The following TMEM182 variants were observed in gnomAD, a reference collection of about 807,000 sequenced individuals.
The protein encoded by TMEM182 is transmembrane protein 182.
In TMEM182, 20 loss-of-function variants were observed where a neutral mutation model predicts 26.8. That is an observed-to-expected ratio of 0.75 (90% confidence interval 0.53 to 1.09). TMEM182 has a LOEUF of 1.09. TMEM182 is among the 50% of genes least tolerant of loss of function. The probability of loss-of-function intolerance (pLI) is 0.00; values close to 1 mark genes in which losing one functional copy is unlikely to be tolerated. For missense variants in TMEM182, 277 were observed against 275.5 expected (o/e 1.01, Z -0.04); for synonymous variants, 109 against 102.2 (o/e 1.07, Z -0.40).
chr2:102,800,118 C>T (rs144462359), intron 4 of TMEM182, among the ~76,000 whole-genome samples: 42 of 152,240 alleles, frequency 2.8e-4, no homozygotes, highest in African/African-American at 9.1e-4. Context: ...GCCATTAGAG[C>T]TCTTCATTGT....
chr2:102,811,016 C>A (rs544612407), intron 4 of TMEM182, among the ~76,000 whole-genome samples: 2 of 142,424 alleles, frequency 1.4e-5, no homozygotes, highest in South Asian at 2.2e-4. Flanking sequence ...CCTAAAGACT[C>A]CGTTCAAGTT....
chr2:102,812,932 G>C (rs1216701891), intron 4 of TMEM182, among the ~76,000 whole-genome samples: 1 of 152,200 alleles, frequency 6.6e-6, no homozygotes, highest in African/African-American at 2.4e-5. Flanking sequence ...AGAGTTGCTA[G>C]ACAACACATG....
At chr2:102,741,423 G>C (rs970597020) in intron 1 of TMEM182, among the ~76,000 whole-genome samples, 1 of 152,136 alleles carries the variant, frequency 6.6e-6, no homozygotes, top group Non-Finnish European at 1.5e-5. Context: ...GAAAAGAAAA[G>C]TAAGCATTTA....
intron 3 of TMEM182, among the ~76,000 whole-genome samples, chr2:102,771,397 A>G (rs1199095910): frequency 1.3e-5 from 2 of 152,124 alleles, no homozygotes; most frequent in Admixed American, 6.5e-5. Context: ...GGCCACTCCC[A>G]GAGTGGCTCA....
intron 3 of TMEM182, among the ~76,000 whole-genome samples, chr2:102,838,415 T>C (rs1024018122): frequency 6.6e-6 from 1 of 152,176 alleles, no homozygotes; most frequent in Non-Finnish European, 1.5e-5. Flanking sequence ...ATAGAATGCA[T>C]GCATAAAATG....
At chr2:102,809,072 T>C (rs923493533) in intron 4 of TMEM182, among the ~76,000 whole-genome samples, 2 of 152,220 alleles carry the variant, frequency 1.3e-5, no homozygotes, top group African/African-American at 4.8e-5. Flanking sequence ...ATTAAAAGAA[T>C]GAGAAAGAGG....
upstream of TMEM182, chr2:102,758,531 G>T: frequency 1.4e-6 from 1 of 715,692 alleles, no homozygotes; most frequent in Non-Finnish European, 2.6e-6. Context: ...GTTAAAAGAT[G>T]GTTTGAAAAC....
chr2:102,834,316 C>A, intron 3 of TMEM182: 1 of 886,210 alleles, frequency 1.1e-6, no homozygotes, highest in Non-Finnish European at 1.4e-6. Flanking sequence ...ATCCATTTAC[C>A]ATCTTAGGAC....
chr2:102,743,244 G>A (rs188495845), intron 1 of TMEM182, among the ~76,000 whole-genome samples: 35 of 152,118 alleles, frequency 2.3e-4, no homozygotes, highest in African/African-American at 4.3e-4. Flanking sequence ...AATGTATATC[G>A]CAAACTCTAG....
chr2:102,755,722 TG>T (rs1007303547), intron 1 of TMEM182, among the ~76,000 whole-genome samples: 1 of 152,224 alleles, frequency 6.6e-6, no homozygotes, highest in African/African-American at 2.4e-5. Flanking sequence ...GGATGCTATT[TG>T]TAGGGGCCAA....
chr2:102,800,717 T>C (rs1682085300), intron 4 of TMEM182, among the ~76,000 whole-genome samples: 1 of 151,944 alleles, frequency 6.6e-6, no homozygotes, highest in Non-Finnish European at 1.5e-5. Flanking sequence ...CATAGTTTAG[T>C]GATAATGTAT....
rs777635135 is a variant in TMEM182 at position 102,817,049 on chromosome 2, C to G, written c.*2081C>G. ...GAACTATTTTATAGTTGTAATGCAT[C>G]AATCAAATACATTTCAAGCACATTT... On this transcript the variant is annotated 3_prime_UTR_variant, in exon 5 of 5. Transcript: ENST00000412401. 1.1e-4 allele frequency: 104 copies of G among 985,426 alleles called. No homozygotes were observed. Among genetic ancestry groups the G allele is most frequent in the Non-Finnish European group, 1.1e-4 (95 of 829,920 alleles). The allele number at this position is 985,426 out of a possible 1,614,324, so 61.0% of individuals were successfully genotyped here. A position where few individuals can be genotyped will look rare whatever the true frequency, so the allele number is the denominator to read the frequency against.
chr2:102,766,571 G>A (rs1425847016), intron 3 of TMEM182, among the ~76,000 whole-genome samples: 2 of 151,994 alleles, frequency 1.3e-5, no homozygotes, highest in Non-Finnish European at 2.9e-5. Flanking sequence ...TGTTAAATTT[G>A]GGGTTTTTTT....
At chr2:102,770,311 C>G (rs1680619353) in intron 3 of TMEM182, among the ~76,000 whole-genome samples, 1 of 152,104 alleles carries the variant, frequency 6.6e-6, no homozygotes, top group Non-Finnish European at 1.5e-5. Context: ...GTTCTTGGGG[C>G]CCAGTAGCTC....
At chr2:102,786,165 A>C (rs1681380306) in intron 3 of TMEM182, among the ~76,000 whole-genome samples, 1 of 150,008 alleles carries the variant, frequency 6.7e-6, no homozygotes, top group African/African-American at 2.5e-5. Flanking sequence ...GAAGCACTGG[A>C]ATTCCGGCAC....
chr2:102,826,187 C>A (rs898182915), intron 3 of TMEM182, among the ~76,000 whole-genome samples: 1 of 152,012 alleles, frequency 6.6e-6, no homozygotes, highest in Non-Finnish European at 1.5e-5. Context: ...AGAGAGAAAA[C>A]TTCTGCATCT....
At chr2:102,769,698 A>G (rs929174219) in intron 3 of TMEM182, among the ~76,000 whole-genome samples, 6 of 152,350 alleles carry the variant, frequency 3.9e-5, no homozygotes, top group Admixed American at 2.6e-4. Flanking sequence ...TCTTTGGGCT[A>G]TATTTTCAGA....
intron 4 of TMEM182, among the ~76,000 whole-genome samples, chr2:102,813,688 A>G (rs1179510393): frequency 6.6e-6 from 1 of 152,182 alleles, no homozygotes; most frequent in Non-Finnish European, 1.5e-5. Context: ...TAACAGTTAC[A>G]TGGGAAAGGA....
chr2:102,814,434 A>G (rs1682666607), intron 4 of TMEM182, among the ~76,000 whole-genome samples: 1 of 152,146 alleles, frequency 6.6e-6, no homozygotes, highest in Non-Finnish European at 1.5e-5. Context: ...TTAGAATATA[A>G]ATTCTACAAG....
Sources: gnomAD v4.1 joint callset for allele counts (sites outside exome capture counted in the v4.1 genomes callset) on GRCh38, gnomAD v4.1.1 for gene constraint, MANE v1.5 for transcripts, NCBI Gene and HGNC (gene_info 2026-07-23, HGNC 2026-07-21) for gene names.